The following EEA1 variants were observed in gnomAD, a reference collection of about 807,000 sequenced individuals.
The protein encoded by EEA1 is early endosome antigen 1, 162kD.
Under a neutral mutation model 209.2 loss-of-function variants are expected in EEA1, and 111 were observed. That is an observed-to-expected ratio of 0.53 (90% CI 0.45 to 0.62). The LOEUF is 0.62. EEA1 is among the 20% of genes least tolerant of loss of function. The pLI, the probability that EEA1 is intolerant of heterozygous loss-of-function variation, is 0.00. For missense variants in EEA1, 1,343 were observed against 1,530.8 expected (o/e 0.88, Z 2.05); for synonymous variants, 536 against 540.6 (o/e 0.99, Z 0.12).
chr12:92,853,250 CTAAA>C (rs1877716152), intron 6 of EEA1, among the ~76,000 whole-genome samples: 1 of 152,162 alleles, frequency 6.6e-6, no homozygotes, highest in Non-Finnish European at 1.5e-5. Flanking sequence ...AGAATCACTG[CTAAA>C]TAATCTATAA....
intron 5 of EEA1, among the ~76,000 whole-genome samples, chr12:92,855,687 A>C (rs1306836968): frequency 6.6e-6 from 1 of 152,186 alleles, no homozygotes; most frequent in African/African-American, 2.4e-5. Flanking sequence ...TTGTTTCTCT[A>C]TACATTGAAC....
At position 92,832,857 on chromosome 12, in the gene EEA1, T is replaced by C. The variant is rs764090433; in HGVS notation, c.916-7A>G. ...GCAAGTTTTCTGTCAAGGTCTAAAATATCAATTTAACAATTTATTTCCTTT... is the reference window on the plus strand; with the variant it reads ...GCAAGTTTTCTGTCAAGGTCTAAAACATCAATTTAACAATTTATTTCCTTT... On this transcript the variant is annotated splice_region_variant and splice_polypyrimidine_tract_variant and intron_variant, in intron 10 of 28. Transcript: ENST00000322349. The C allele has an allele frequency of 6.4e-6, 10 of 1,572,680 alleles. No homozygotes were observed. In the African/African-American group the frequency reaches 1.1e-4, roughly 17 times the overall value.
Position 92,923,296 on chromosome 12 carries a change from C to T in EEA1, c.24+5747G>A, listed in dbSNP as rs1881081548. On this transcript the variant is annotated intron_variant, in intron 1 of 28. Transcript: ENST00000322349. ...CCGGGAGGCGGAGCTTGTAGTGAGC[C>T]GAGATTGCGCCACTGCACTCCAGCC... Among the ~76,000 whole-genome samples, 3 of 152,154 alleles carry T rather than the reference C, an allele frequency of 2.0e-5. No individual in the cohort carries two copies. In the South Asian group the frequency reaches 6.2e-4, roughly 32 times the overall value.
chr12:92,791,893 T>C (rs1395228235), intron 21 of EEA1, among the ~76,000 whole-genome samples: 3 of 152,066 alleles, frequency 2.0e-5, no homozygotes, highest in Non-Finnish European at 4.4e-5. Context: ...CCTCAGCAAA[T>C]GTAAAAGAAC....
chr12:92,906,639 C>T (rs1472515822), intron 1 of EEA1, among the ~76,000 whole-genome samples: 1 of 151,962 alleles, frequency 6.6e-6, no homozygotes, highest in Non-Finnish European at 1.5e-5. Context: ...GGTGAAACCC[C>T]GTCTCTACTA....
At chr12:92,883,292 T>G (rs1034475905) in intron 2 of EEA1, among the ~76,000 whole-genome samples, 3 of 152,218 alleles carry the variant, frequency 2.0e-5, no homozygotes, top group African/African-American at 7.2e-5. Context: ...TCTTACAGAT[T>G]CTGGATATTA....
At chr12:92,900,455 G>T (rs139104738) in intron 1 of EEA1, among the ~76,000 whole-genome samples, 1 of 150,324 alleles carries the variant, frequency 6.7e-6, no homozygotes, top group Non-Finnish European at 1.5e-5. Context: ...TACATTTAAT[G>T]CCCACAAAAT....
intron 28 of EEA1, among the ~76,000 whole-genome samples, 163 bp from the exon 29 acceptor site, chr12:92,776,296 A>C (rs1873656989): frequency 6.6e-6 from 1 of 151,964 alleles, no homozygotes; most frequent in Non-Finnish European, 1.5e-5. Flanking sequence ...AATCTCTGTT[A>C]TAATTAAATT....
rs369148243 is a variant in EEA1, at chr12:92,861,137, T to G, written c.246-3652A>C. 2.6e-5 allele frequency among the ~76,000 whole-genome samples: 4 copies of G among 152,068 alleles called. No homozygotes were observed. In the East Asian group the frequency reaches 5.8e-4, roughly 22 times the overall value. On this transcript the variant is annotated intron_variant, in intron 3 of 28. Transcript: ENST00000322349. ...CTAAGCCCTTCTGCAGGAGAGAGAT[T>G]TCATGAGAAAACATCATTATAAAGA...
chr12:92,820,817 C>G (rs1876018606), intron 13 of EEA1, among the ~76,000 whole-genome samples: 1 of 151,762 alleles, frequency 6.6e-6, no homozygotes, highest in South Asian at 2.1e-4. Flanking sequence ...ACACTGTTTT[C>G]AAACCTTAAC....
rs554487501 is a variant in EEA1 at position 92,914,194 on chromosome 12, G to A, written c.24+14849C>T. ...ACCAGCCCATGCCCCCATGGCCTCTGCCCCTGCCTTTGCTTGCCTCTAGCC... is the reference window on the plus strand; with the variant it reads ...ACCAGCCCATGCCCCCATGGCCTCTACCCCTGCCTTTGCTTGCCTCTAGCC... On this transcript the variant is annotated intron_variant, in intron 1 of 28. Coordinates refer to ENST00000322349, the MANE Select transcript of EEA1 (RefSeq NM_003566.4). Among the ~76,000 whole-genome samples the A allele has an allele frequency of 1.1e-4, 17 of 151,724 alleles. 1 individual carries two copies. The highest frequency in any genetic ancestry group is 2.5e-4 in the Non-Finnish European group (17 of 67,974).
chr12:92,839,962 G>C (rs769225684), intron 10 of EEA1, among the ~76,000 whole-genome samples: 67 of 152,148 alleles, frequency 4.4e-4, no homozygotes, highest in Non-Finnish European at 8.4e-4. Flanking sequence ...TTTCACCTCA[G>C]GGTCTCTCAT....
intron 15 of EEA1, 106 bp downstream of exon 15, chr12:92,816,094 A>T: frequency 9.7e-7 from 1 of 1,031,518 alleles, no homozygotes; most frequent in Non-Finnish European, 1.4e-6. Context: ...TTCTTATTTC[A>T]AATTTTTTTC....
chr12:92,831,869 A>C (rs1876659825), intron 11 of EEA1, among the ~76,000 whole-genome samples: 1 of 150,104 alleles, frequency 6.7e-6, no homozygotes, highest in South Asian at 2.1e-4. Context: ...GTGGATCATG[A>C]GGTCAGGAGA....
intron 18 of EEA1, among the ~76,000 whole-genome samples, chr12:92,803,728 GTT>G (rs1200015196): frequency 2.0e-5 from 3 of 152,014 alleles, no homozygotes; most frequent in African/African-American, 7.2e-5. Flanking sequence ...TGGAAAAGAT[GTT>G]AAAGCTTAAT....
At chr12:92,867,739 A>G (rs1878465469) in intron 2 of EEA1, among the ~76,000 whole-genome samples, 1 of 152,184 alleles carries the variant, frequency 6.6e-6, no homozygotes, top group African/African-American at 2.4e-5. Flanking sequence ...AATTACAGGA[A>G]CACAGGAGAA....
At chr12:92,927,465 A>G (rs1056221576) in intron 1 of EEA1, among the ~76,000 whole-genome samples, 1 of 152,264 alleles carries the variant, frequency 6.6e-6, no homozygotes, top group Non-Finnish European at 1.5e-5. Flanking sequence ...AACATTAAAA[A>G]TGATCTTCAT....
In EEA1 at chr12:92,777,398, C is replaced by T; in HGVS notation, c.4014+145G>A. ...TTCTTTACTTTTATATTTAATTATC[C>T]ACAAAACCTACAATACTGCTAAACA... On this transcript the variant is annotated intron_variant, in intron 27 of 28. Transcript: ENST00000322349. 9.3e-6 allele frequency: 8 copies of T among 862,508 alleles called. No individual in the cohort carries two copies. The East Asian group carries it at 1.1e-4, about 12-fold the overall frequency. 53.4% of individuals were successfully genotyped at this position (862,508 alleles called of 1,614,324 possible).
chr12:92,826,133 G>C (rs539089476), intron 13 of EEA1, 33 bp downstream of exon 13: 1 of 1,602,414 alleles, frequency 6.2e-7, no homozygotes, highest in African/African-American at 1.3e-5. Flanking sequence ...ATTAATTTGT[G>C]TTTACAAGGC....
Sources: allele counts gnomAD v4.1 joint callset (sites outside exome capture counted in the v4.1 genomes callset), GRCh38; gene constraint gnomAD v4.1.1; transcripts MANE v1.5; gene names NCBI Gene and HGNC (gene_info 2026-07-23, HGNC 2026-07-21).